The following TTC28 variants were observed in gnomAD, a reference collection of about 807,000 sequenced individuals.
TTC28 encodes tetratricopeptide repeat protein 28.
Under a neutral mutation model 198.0 loss-of-function variants are expected in TTC28, and 61 were observed. That is an observed-to-expected ratio of 0.31 (90% CI 0.25 to 0.38). TTC28 has a LOEUF of 0.38. Among genes scored for constraint, TTC28 ranks in the 10% least tolerant of loss-of-function variants. The probability of loss-of-function intolerance (pLI) is 1.00; values close to 1 mark genes in which losing one functional copy is unlikely to be tolerated. For synonymous variants in TTC28, 1,171 were observed against 1,297.8 expected (o/e 0.90, Z 2.10); for missense variants, 2,678 against 3,164.0 (o/e 0.85, Z 3.69).
At chr22:28,386,283 A>G (rs2046590051) in intron 2 of TTC28, among the ~76,000 whole-genome samples, 7 of 121,920 alleles carry the variant, frequency 5.7e-5, no homozygotes, top group Non-Finnish European at 9.5e-5. Flanking sequence ...TCAAAAAAAA[A>G]AAAAAAAAAA....
intron 2 of TTC28, among the ~76,000 whole-genome samples, chr22:28,552,842 A>G (rs1170544016): frequency 6.6e-6 from 1 of 150,578 alleles, no homozygotes; most frequent in East Asian, 2.0e-4. Flanking sequence ...GCCGAGCCAA[A>G]GCTGGACTGT....
intron 5 of TTC28, among the ~76,000 whole-genome samples, chr22:28,258,848 G>A (rs891416559): frequency 6.6e-6 from 1 of 152,066 alleles, no homozygotes; most frequent in African/African-American, 2.4e-5. Context: ...CACATTTGTT[G>A]AGGTGTAGAC....
Position 27,998,733 on chromosome 22 carries a change from T to A in TTC28, c.4926A>T (p.Thr1642=). Residue 1642 remains threonine (T), a synonymous_variant, in exon 16 of 23, where the codon ACA becomes ACT. Coordinates refer to ENST00000397906, the MANE Select transcript of TTC28 (RefSeq NM_001145418.2). ...GAGCGCCGGCAGCCAGGAAGGCCCTTGTCAGCGCGATGACCCCGTCGGCTG... is the reference window on the plus strand; with the variant it reads ...GAGCGCCGGCAGCCAGGAAGGCCCTAGTCAGCGCGATGACCCCGTCGGCTG... The part of the protein sequence containing the change: ...KVTADGVIAL[T]RAFLAAGAQC... 6.4e-7 allele frequency: 1 copy of A among 1,550,790 alleles called. No individual in the cohort carries two copies. The highest frequency in any genetic ancestry group is 8.7e-7 in the Non-Finnish European group (1 of 1,146,992).
chr22:28,599,084 A>G (rs1458680924), intron 2 of TTC28, among the ~76,000 whole-genome samples: 1 of 152,254 alleles, frequency 6.6e-6, no homozygotes, highest in East Asian at 1.9e-4. Context: ...TTACATGAAG[A>G]ATACTACATC....
intron 2 of TTC28, among the ~76,000 whole-genome samples, chr22:28,388,237 A>C (rs183691897): frequency 6.6e-6 from 1 of 152,060 alleles, no homozygotes; most frequent in Non-Finnish European, 1.5e-5. Context: ...ATGCTGTTTC[A>C]GTTACTGTAG....
chr22:28,094,222 A>G lies in TTC28; in HGVS notation c.3790T>C (p.Tyr1264His). ...TTTTCCACTGTGTTCTCACCCAGGT[A>G]GTGTTCATGAAACTTCACAATTCCT... ...GAGIVKFHEH[Y>H]LGENTVENSS... The change falls in exon 12 of 23, where the codon TAC becomes CAC. Residue 1264 changes from tyrosine to histidine, a missense_variant. Tyr to His is a moderately conservative substitution (Grantham distance 83). Transcript: ENST00000397906. 1.3e-6 allele frequency: 2 copies of G among 1,548,402 alleles called. No homozygotes were observed. The highest frequency in any genetic ancestry group is 1.7e-6 in the Non-Finnish European group (2 of 1,145,914).
At chr22:28,302,349 G>C (rs571247560) in intron 3 of TTC28, among the ~76,000 whole-genome samples, 16 of 152,148 alleles carry the variant, frequency 1.1e-4, no homozygotes, top group African/African-American at 2.9e-4. Flanking sequence ...TAGGTACTAC[G>C]TAGTGTTCCT....
At chr22:28,116,841 C>G (rs1235674746) in intron 6 of TTC28, among the ~76,000 whole-genome samples, 1 of 152,168 alleles carries the variant, frequency 6.6e-6, no homozygotes, top group African/African-American at 2.4e-5. Context: ...GTGCGCTTTC[C>G]TGATTCAGGC....
intron 12 of TTC28, among the ~76,000 whole-genome samples, chr22:28,076,883 G>T (rs895098452): frequency 6.6e-6 from 1 of 152,134 alleles, no homozygotes; most frequent in Non-Finnish European, 1.5e-5. Flanking sequence ...GCCTGAGGTA[G>T]GTCCCATCCC....
chr22:28,412,240 C>T (rs750768571), intron 2 of TTC28, among the ~76,000 whole-genome samples: 2 of 152,138 alleles, frequency 1.3e-5, no homozygotes, highest in African/African-American at 2.4e-5. Flanking sequence ...TTCTTGGTTA[C>T]AACTATTACA....
chr22:28,411,383 T>G (rs2047079441), intron 2 of TTC28, among the ~76,000 whole-genome samples: 1 of 152,142 alleles, frequency 6.6e-6, no homozygotes, highest in Admixed American at 6.6e-5. Flanking sequence ...CATCTAGAGA[T>G]CTAAAAGAAA....
In TTC28 at chr22:28,021,980, C is replaced by T. The variant is rs138419262; in HGVS notation, c.4074-7588G>A. 6.2e-4 allele frequency among the ~76,000 whole-genome samples: 94 copies of T among 152,352 alleles called. 1 individual carries two copies. Among genetic ancestry groups the T allele is most frequent in the African/African-American group, 1.6e-3 (67 of 41,580 alleles). On this transcript the variant is annotated intron_variant, in intron 13 of 22. Transcript: ENST00000397906. ...TGGGCTGTGATGTGAGTACACCACT[C>T]GCATCCTCTTCCAGCCCTCAGCCCC... is the stretch of plus-strand genomic sequence containing the variant.
At chr22:28,363,431 G>A (rs1232196433) in intron 2 of TTC28, among the ~76,000 whole-genome samples, 1 of 152,216 alleles carries the variant, frequency 6.6e-6, no homozygotes. Flanking sequence ...GAAGTTTGCT[G>A]CAGGGGTGAG....
chr22:28,469,024 G>A lies in TTC28; in HGVS notation c.381+160528C>T, dbSNP rs556060334. Among the ~76,000 whole-genome samples the A allele has an allele frequency of 3.3e-5, 5 of 152,200 alleles. No individual in the cohort carries two copies. In the South Asian group the frequency reaches 6.2e-4, roughly 19 times the overall value. On this transcript the variant is annotated intron_variant, in intron 2 of 22. Coordinates refer to ENST00000397906, the MANE Select transcript of TTC28 (RefSeq NM_001145418.2). ...CTCTAATTATAGCTAAATTAGCAAC[G>A]TTAATTACTCATCCTTTCTTCTCTA...
chr22:28,580,551 T>C (rs1294647729), intron 2 of TTC28, among the ~76,000 whole-genome samples: 3 of 152,166 alleles, frequency 2.0e-5, no homozygotes, highest in African/African-American at 7.2e-5. Context: ...TAATTTTTGT[T>C]TTTTTTACAC....
At chr22:28,202,641 T>C (rs1269778436) in intron 5 of TTC28, among the ~76,000 whole-genome samples, 4 of 152,156 alleles carry the variant, frequency 2.6e-5, no homozygotes, top group Admixed American at 6.5e-5. Flanking sequence ...AGCAGGGACC[T>C]TGGTCATCAG....
intron 5 of TTC28, among the ~76,000 whole-genome samples, chr22:28,285,180 A>G (rs1046271107): frequency 1.3e-5 from 2 of 152,214 alleles, no homozygotes; most frequent in African/African-American, 2.4e-5. Context: ...ACATACATAC[A>G]AAAATATATG....
intron 1 of TTC28, among the ~76,000 whole-genome samples, chr22:28,653,430 G>A (rs974065007): frequency 2.6e-5 from 4 of 151,770 alleles, no homozygotes; most frequent in Non-Finnish European, 4.4e-5. Context: ...CTGAGCCTGG[G>A]AAGTCAAGAC....
chr22:28,234,018 T>C (rs1482273672), intron 5 of TTC28, among the ~76,000 whole-genome samples: 1 of 151,902 alleles, frequency 6.6e-6, no homozygotes, highest in African/African-American at 2.4e-5. Context: ...GCTGTTCTCC[T>C]GCCTCAGCCT....
Sources: gnomAD v4.1 joint callset for allele counts (sites outside exome capture counted in the v4.1 genomes callset) on GRCh38, gnomAD v4.1.1 for gene constraint, MANE v1.5 for transcripts, NCBI Gene and HGNC (gene_info 2026-07-23, HGNC 2026-07-21) for gene names.